RBPMS2: variants seen among roughly 807,000 people sequenced by gnomAD.
RBPMS2 encodes the protein RNA binding protein, mRNA processing factor 2, also known as RNA-binding protein with multiple splicing 2.
A neutral mutation model predicts 25.7 loss-of-function variants in RBPMS2; 14 were observed. That is an observed-to-expected ratio of 0.55 (90% CI 0.36 to 0.85). RBPMS2 has a LOEUF of 0.85. RBPMS2 is among the 40% of genes least tolerant of loss of function. The pLI, the probability that RBPMS2 is intolerant of heterozygous loss-of-function variation, is 0.01. For missense variants in RBPMS2, 252 were observed against 283.4 expected, an observed-to-expected ratio of 0.89 and a Z score of 0.80; for synonymous variants, 127 against 115.6, an observed-to-expected ratio of 1.10 and a Z score of -0.63.
chr15:64,769,291 A>G (rs2083874300), intron 1 of RBPMS2, among the ~76,000 whole-genome samples: 2 of 150,968 alleles, frequency 1.3e-5, no homozygotes, highest in Non-Finnish European at 3.0e-5. Context: ...TGGGCGTGGT[A>G]GCACATGCCT....
rs79222839 is a variant in RBPMS2 at position 64,757,973 on chromosome 15, C to G, written c.88-6335G>C. Among the ~76,000 whole-genome samples, 693 of 152,194 alleles carry G rather than the reference C, an allele frequency of 4.6e-3. 9 individuals are homozygous for G. Among genetic ancestry groups the G allele is most frequent in the African/African-American group, 0.016 (661 of 41,506 alleles). On this transcript the variant is annotated intron_variant, in intron 1 of 7. Coordinates refer to ENST00000300069, the MANE Select transcript of RBPMS2 (RefSeq NM_194272.3). The stretch of plus-strand genomic sequence containing the variant: ...GCCTGGGCAACAACAGAGCAAGACC[C>G]TACCTCTAAAAAACAAAAATAAAAA...
intron 6 of RBPMS2, among the ~76,000 whole-genome samples, chr15:64,746,238 A>C (rs971240237): frequency 1.3e-5 from 2 of 152,126 alleles, no homozygotes; most frequent in African/African-American, 4.8e-5. Flanking sequence ...CTGCCTCCCC[A>C]AAAACGCCAC....
intron 1 of RBPMS2, among the ~76,000 whole-genome samples, chr15:64,760,314 C>T (rs1595791769): frequency 6.6e-6 from 1 of 152,248 alleles, no homozygotes; most frequent in Non-Finnish European, 1.5e-5. Flanking sequence ...AGCGTGTCTC[C>T]CTCTGCAAGG....
chr15:64,775,360 G>T lies in RBPMS2; in HGVS notation c.-41C>A. ...GCGGCGGGAAGGAACGCGAGGGCGA[G>T]CGCGGCGCCGGCCCCGCGGGAAGTG... On this transcript the variant is annotated 5_prime_UTR_variant, in exon 1 of 8. Coordinates refer to ENST00000300069, the MANE Select transcript of RBPMS2 (RefSeq NM_194272.3). The T allele has an allele frequency of 8.6e-7, 1 of 1,164,078 alleles. No individual in the cohort carries two copies. Among genetic ancestry groups the T allele is most frequent in the Non-Finnish European group, 1.1e-6 (1 of 924,408 alleles). 72.1% of individuals were successfully genotyped at this position (1,164,078 alleles called of 1,614,324 possible).
chr15:64,750,151 G>C (rs1311945609), intron 3 of RBPMS2, among the ~76,000 whole-genome samples, 192 bp downstream of exon 3: 4 of 152,182 alleles, frequency 2.6e-5, no homozygotes, highest in African/African-American at 9.7e-5. Context: ...AGGACCAGGA[G>C]CTGGCTGGGC....
intron 1 of RBPMS2, among the ~76,000 whole-genome samples, chr15:64,759,778 T>G (rs1213807517): frequency 6.6e-6 from 1 of 152,168 alleles, no homozygotes; most frequent in African/African-American, 2.4e-5. Context: ...GTTCAAGCGA[T>G]TCTCCTGCCT....
chr15:64,757,528 C>T (rs925928268), intron 1 of RBPMS2, among the ~76,000 whole-genome samples: 3 of 152,060 alleles, frequency 2.0e-5, no homozygotes, highest in Non-Finnish European at 2.9e-5. Flanking sequence ...AGGTAATGCC[C>T]GAAATAGAAG....
chr15:64,756,867 CA>C (rs1367688557), intron 1 of RBPMS2, among the ~76,000 whole-genome samples: 5 of 149,664 alleles, frequency 3.3e-5, no homozygotes. Context: ...CTCCTCACCT[CA>C]AGGAGTTCCT....
chr15:64,762,367 G>A (rs1256740712), intron 1 of RBPMS2: 1 of 381,658 alleles, frequency 2.6e-6, no homozygotes, highest in Non-Finnish European at 5.2e-6. Flanking sequence ...GATGGGTGCT[G>A]GAGCAGGCCC....
intron 5 of RBPMS2, 26 bp from the exon 6 acceptor site, chr15:64,748,593 T>C: frequency 6.6e-7 from 1 of 1,519,922 alleles, no homozygotes; most frequent in Non-Finnish European, 8.8e-7. Context: ...ATGGCCTCCA[T>C]CATCAGAACA....
chr15:64,770,808 C>A (rs955904836), intron 1 of RBPMS2, among the ~76,000 whole-genome samples: 2 of 152,016 alleles, frequency 1.3e-5, no homozygotes, highest in Non-Finnish European at 2.9e-5. Context: ...TCCATCCACA[C>A]AAGTCTAAGC....
chr15:64,760,347 G>C (rs2083772572), intron 1 of RBPMS2, among the ~76,000 whole-genome samples: 1 of 152,240 alleles, frequency 6.6e-6, no homozygotes, highest in South Asian at 2.1e-4. Flanking sequence ...CCGATGCTGA[G>C]GGATCCAACT....
chr15:64,757,362 G>T (rs1413245091), intron 1 of RBPMS2, among the ~76,000 whole-genome samples: 1 of 152,094 alleles, frequency 6.6e-6, no homozygotes, highest in Non-Finnish European at 1.5e-5. Flanking sequence ...GCAATAAAAT[G>T]CTGGCTTCAT....
chr15:64,771,041 G>A (rs1177646421), intron 1 of RBPMS2, among the ~76,000 whole-genome samples: 1 of 152,160 alleles, frequency 6.6e-6, no homozygotes, highest in Non-Finnish European at 1.5e-5. Context: ...ATTAACCCCT[G>A]CCTTTCTATA....
At chr15:64,743,452 G>C (rs1402046816) in intron 6 of RBPMS2, among the ~76,000 whole-genome samples, 1 of 152,388 alleles carries the variant, frequency 6.6e-6, no homozygotes, top group South Asian at 2.1e-4. Flanking sequence ...CAGACGGAAT[G>C]CATTTAGAAG....
At chr15:64,744,234 G>A (rs1439222448) in intron 6 of RBPMS2, among the ~76,000 whole-genome samples, 3 of 151,950 alleles carry the variant, frequency 2.0e-5, no homozygotes, top group East Asian at 3.9e-4. Context: ...CACTTTCACC[G>A]TGTCATAGTT....
chr15:64,753,666 G>A (rs2083703787), intron 1 of RBPMS2, among the ~76,000 whole-genome samples: 1 of 152,016 alleles, frequency 6.6e-6, no homozygotes, highest in African/African-American at 2.4e-5. Context: ...CAGAATCTCG[G>A]GCCGCTTGGG....
intron 1 of RBPMS2, among the ~76,000 whole-genome samples, chr15:64,759,221 G>GC (rs941879727): frequency 2.0e-5 from 3 of 152,132 alleles, no homozygotes; most frequent in Non-Finnish European, 2.9e-5. Flanking sequence ...AGGAAGTAGA[G>GC]CCCCCCATCC....
intron 1 of RBPMS2, among the ~76,000 whole-genome samples, chr15:64,772,996 T>A (rs186679050): frequency 7.4e-4 from 112 of 152,192 alleles, no homozygotes; most frequent in African/African-American, 2.5e-3. Flanking sequence ...CCCAGAACCA[T>A]GAAAAATACA....
Sources: allele counts gnomAD v4.1 joint callset (sites outside exome capture counted in the v4.1 genomes callset), GRCh38; gene constraint gnomAD v4.1.1; transcripts MANE v1.5; gene names NCBI Gene and HGNC (gene_info 2026-07-23, HGNC 2026-07-21).